Variants in GALNT13 observed in about 807,000 individuals in gnomAD.
GALNT13 encodes polypeptide N-acetylgalactosaminyltransferase 13, also known as UDP-GalNAc:polypeptide N-acetylgalactosaminyltransferase 13.
A neutral mutation model predicts 64.2 loss-of-function variants in GALNT13; 28 were observed. The observed-to-expected ratio is 0.44, with a 90% CI of 0.32 to 0.60. The LOEUF (loss-of-function observed/expected upper bound fraction) is 0.60, where lower values mean the gene tolerates loss of function less well. GALNT13 is among the 20% of genes least tolerant of loss of function. The pLI, the probability that GALNT13 is intolerant of heterozygous loss-of-function variation, is 0.05. For missense variants in GALNT13, 577 were observed against 669.8 expected, an observed-to-expected ratio of 0.86 and a Z score of 1.53; for synonymous variants, 214 against 224.6, an observed-to-expected ratio of 0.95 and a Z score of 0.42.
chr2:153,835,302 A>C, the GALNT13 span, among the ~76,000 whole-genome samples: 1 of 152,066 alleles, frequency 6.6e-6, no homozygotes, highest in Non-Finnish European at 1.5e-5. Context: ...ATCCCAAGAA[A>C]ACTCACATGC....
chr2:153,090,972 G>C, the GALNT13 span, among the ~76,000 whole-genome samples: 1 of 151,892 alleles, frequency 6.6e-6, no homozygotes, highest in African/African-American at 2.4e-5. Context: ...GCAGTGCCCT[G>C]TTGAGAACCT....
At chr2:153,634,321 A>T in the GALNT13 span, among the ~76,000 whole-genome samples, 372 of 152,254 alleles carry the variant, frequency 2.4e-3, 3 homozygotes, top group African/African-American at 8.7e-3. Flanking sequence ...TGAAAATTGT[A>T]TGAATCATGA....
At chr2:153,323,994 A>T in the GALNT13 span, among the ~76,000 whole-genome samples, 1 of 152,164 alleles carries the variant, frequency 6.6e-6, no homozygotes, top group Non-Finnish European at 1.5e-5. Context: ...TTCCATATGA[A>T]ATTTAAAGTA....
chr2:153,679,412 C>T, the GALNT13 span, among the ~76,000 whole-genome samples: 1 of 151,918 alleles, frequency 6.6e-6, no homozygotes, highest in African/African-American at 2.4e-5. Context: ...CTATATAATT[C>T]ACCCACTACA....
the GALNT13 span, among the ~76,000 whole-genome samples, chr2:153,149,083 C>T: frequency 1.3e-5 from 2 of 151,688 alleles, no homozygotes; most frequent in South Asian, 4.1e-4. Context: ...AGTCTTAGGA[C>T]CAGTTAAAAA....
At chr2:154,136,626 T>C (rs1359716800) in intron 3 of GALNT13, among the ~76,000 whole-genome samples, 2 of 152,130 alleles carry the variant, frequency 1.3e-5, no homozygotes, top group Non-Finnish European at 2.9e-5. Context: ...TTAAAATAAA[T>C]GTAAATTAAA....
At chr2:153,230,980 G>T in the GALNT13 span, among the ~76,000 whole-genome samples, 1 of 152,072 alleles carries the variant, frequency 6.6e-6, no homozygotes, top group African/African-American at 2.4e-5. Flanking sequence ...TTTAGATTTG[G>T]ACATGGGTGA....
intron 3 of GALNT13, among the ~76,000 whole-genome samples, chr2:153,994,260 G>A (rs1295498145): frequency 6.6e-6 from 1 of 152,078 alleles, no homozygotes; most frequent in African/African-American, 2.4e-5. Context: ...CCTTTTTTAT[G>A]CCTGCATAGT....
chr2:154,182,087 A>G (rs1685991671), intron 4 of GALNT13, among the ~76,000 whole-genome samples: 1 of 152,184 alleles, frequency 6.6e-6, no homozygotes, highest in Admixed American at 6.6e-5. Context: ...TTGACTATTT[A>G]ATTTAGAACC....
chr2:153,424,410 A>G, the GALNT13 span, among the ~76,000 whole-genome samples: 1 of 151,790 alleles, frequency 6.6e-6, no homozygotes, highest in African/African-American at 2.4e-5. Context: ...TCATTAGTGT[A>G]TGGAATATGC....
chr2:153,992,412 C>G (rs1473942817), intron 3 of GALNT13, among the ~76,000 whole-genome samples: 2 of 152,222 alleles, frequency 1.3e-5, no homozygotes, highest in Non-Finnish European at 2.9e-5. Flanking sequence ...ATCTTTAATG[C>G]TATTTATAAT....
chr2:153,174,073 G>C, the GALNT13 span, among the ~76,000 whole-genome samples: 2 of 152,268 alleles, frequency 1.3e-5, no homozygotes, highest in Admixed American at 1.3e-4. Flanking sequence ...TGACCTGGTG[G>C]TGGCTCCACC....
At chr2:154,269,926 T>TTTATATATATGTGTATATATATATATA (rs1553506260) in intron 8 of GALNT13, among the ~76,000 whole-genome samples, 2 of 33,344 alleles carry the variant, frequency 6.0e-5, no homozygotes, top group African/African-American at 7.9e-5. Context: ...ATATATATAT[T>TTTATATATATGTGTATATATATATATA]TCTAAAGCAC....
intron 4 of GALNT13, among the ~76,000 whole-genome samples, chr2:154,240,411 T>G: frequency 6.6e-6 from 1 of 152,234 alleles, no homozygotes; most frequent in Non-Finnish European, 1.5e-5. Context: ...CAGCAGCCTC[T>G]AAATCATCTG....
At chr2:153,425,122 G>A in the GALNT13 span, among the ~76,000 whole-genome samples, 1 of 151,698 alleles carries the variant, frequency 6.6e-6, no homozygotes, top group Admixed American at 6.6e-5. Flanking sequence ...CAACATAGGT[G>A]AATGGAAACA....
chr2:153,463,063 C>T, the GALNT13 span, among the ~76,000 whole-genome samples: 8 of 152,090 alleles, frequency 5.3e-5, no homozygotes, highest in Admixed American at 4.6e-4. Context: ...GCCTCACCCT[C>T]TTCACTTCTA....
the GALNT13 span, among the ~76,000 whole-genome samples, chr2:153,566,576 G>C: frequency 2.0e-5 from 3 of 152,032 alleles, no homozygotes; most frequent in African/African-American, 7.3e-5. Context: ...AGATGGTCTC[G>C]ATCTCCTGAC....
intron 11 of GALNT13, among the ~76,000 whole-genome samples, chr2:154,434,955 C>G (rs1257361530): frequency 6.6e-6 from 1 of 152,084 alleles, no homozygotes; most frequent in Non-Finnish European, 1.5e-5. Flanking sequence ...AGGTAGTGTT[C>G]AATTAATGTT....
Position 154,019,110 on chromosome 2 carries a change from A to G in GALNT13, c.142+74471A>G, listed in dbSNP as rs1399333027. Among the ~76,000 whole-genome samples the G allele has an allele frequency of 3.3e-5, 5 of 152,286 alleles. No homozygotes were observed. In the South Asian group the frequency reaches 1.0e-3, roughly 32 times the overall value. On this transcript the variant is annotated intron_variant, in intron 3 of 12. Coordinates refer to ENST00000392825, the MANE Select transcript of GALNT13 (RefSeq NM_052917.4). The stretch of plus-strand genomic sequence containing the variant: ...CTTTTTATTCCTTGATGCTAGTGCC[A>G]GAATCTTGACTTCACTCTCTGCTCT...
Sources: allele counts gnomAD v4.1 joint callset (sites outside exome capture counted in the v4.1 genomes callset), GRCh38; gene constraint gnomAD v4.1.1; transcripts MANE v1.5; gene names NCBI Gene and HGNC (gene_info 2026-07-23, HGNC 2026-07-21).